The following TMEM248 variants were observed in gnomAD, a reference collection of about 807,000 sequenced individuals.
TMEM248 encodes the protein transmembrane protein 248, also known as UPF0458 protein C7orf42.
In TMEM248, 9 loss-of-function variants were observed where a neutral mutation model predicts 30.3. The observed-to-expected ratio is 0.30, with a 90% CI of 0.18 to 0.52. TMEM248 has a LOEUF of 0.52. Ranked by LOEUF, TMEM248 falls within the 20% of genes least tolerant of loss-of-function variation. The probability of loss-of-function intolerance (pLI) is 0.97; values close to 1 mark genes in which losing one functional copy is unlikely to be tolerated. For missense variants in TMEM248, 338 were observed against 403.3 expected, an observed-to-expected ratio of 0.84 and a Z score of 1.39; for synonymous variants, 184 against 154.4, an observed-to-expected ratio of 1.19 and a Z score of -1.42.
intron 5 of TMEM248, 25 bp from the exon 6 acceptor site, chr7:66,953,201 G>A (rs757263608): frequency 1.2e-6 from 2 of 1,612,192 alleles, no homozygotes; most frequent in Non-Finnish European, 8.5e-7. Context: ...AGATGTTTCT[G>A]ATTTTTTTTC....
At chr7:66,923,556 G>T (rs944344996) in intron 1 of TMEM248, among the ~76,000 whole-genome samples, 12 of 152,230 alleles carry the variant, frequency 7.9e-5, no homozygotes, top group Admixed American at 3.3e-4. Context: ...AAGCACCCAG[G>T]CTAGGTAGCT....
chr7:66,957,437 A>G lies in TMEM248; in HGVS notation c.*1915A>G, dbSNP rs1792431570. On this transcript the variant is annotated 3_prime_UTR_variant, in exon 7 of 7. Transcript: ENST00000341567. ...AATCGTACTTGTCTATCCAGTTTCT[A>G]TGTATGATACGAGTTGCTTACACGA... 1 of 152,332 alleles carries G rather than the reference A, an allele frequency of 6.6e-6. No individual in the cohort carries two copies. Among genetic ancestry groups the G allele is most frequent in the Non-Finnish European group, 1.5e-5 (1 of 68,036 alleles). The allele number at this position is 152,332 out of a possible 1,614,324, so 9.4% of individuals were successfully genotyped here.
intron 1 of TMEM248, among the ~76,000 whole-genome samples, chr7:66,933,965 C>CTT (rs199864315): frequency 6.2e-5 from 9 of 145,620 alleles, no homozygotes; most frequent in African/African-American, 1.8e-4. Context: ...ATCTCTTTTT[C>CTT]TTTTTTTTTT....
chr7:66,927,911 C>T (rs972119970), intron 1 of TMEM248, among the ~76,000 whole-genome samples: 4 of 152,026 alleles, frequency 2.6e-5, no homozygotes, highest in African/African-American at 9.7e-5. Context: ...TGGGAGGAAT[C>T]CTGCTAAAGA....
chr7:66,941,562 AC>A lies in TMEM248; in HGVS notation c.-18-285del, dbSNP rs1449575359. 8.3e-5 allele frequency among the ~76,000 whole-genome samples: 3 copies of A among 36,048 alleles called. No homozygotes were observed. The East Asian group carries it at 3.7e-3, about 44-fold the overall frequency. The allele number at this position is 36,048 out of a possible 152,430, so 23.6% of individuals were successfully genotyped here. On this transcript the variant is annotated intron_variant, in intron 1 of 6. Coordinates refer to ENST00000341567, the MANE Select transcript of TMEM248 (RefSeq NM_017994.5). Reference sequence around the variant, plus strand: ...AGAACGAGAGACCCTGTTTCTTAAAACACACACACACACACACACACACACA... The same window carrying A: ...AGAACGAGAGACCCTGTTTCTTAAAAACACACACACACACACACACACACA...
At chr7:66,949,045 G>A (rs1048162428) in intron 4 of TMEM248, among the ~76,000 whole-genome samples, 6 of 151,554 alleles carry the variant, frequency 4.0e-5, no homozygotes, top group Non-Finnish European at 7.4e-5. Flanking sequence ...TCAGGCCTGC[G>A]ATCCCAGCAC....
chr7:66,941,837 A>G lies in TMEM248; in HGVS notation c.-18-11A>G. 6.3e-7 allele frequency: 1 copy of G among 1,586,746 alleles called. No homozygotes were observed. Among genetic ancestry groups the G allele is most frequent in the Non-Finnish European group, 8.6e-7 (1 of 1,163,220 alleles). ...AGTCAGTCCTTGAAGCTTCTGATTC[A>G]TTTCTTTCAGGTGGAGCTGATCAGA... On this transcript the variant is annotated splice_polypyrimidine_tract_variant and intron_variant, in intron 1 of 6. Transcript: ENST00000341567.
At chr7:66,933,503 T>C (rs1360961400) in intron 1 of TMEM248, among the ~76,000 whole-genome samples, 4 of 152,234 alleles carry the variant, frequency 2.6e-5, no homozygotes, top group Non-Finnish European at 5.9e-5. Flanking sequence ...GGTTTAGTTC[T>C]TAGAAGTAGA....
Position 66,945,021 on chromosome 7 carries a change from G to A in TMEM248, c.205G>A (p.Val69Ile), listed in dbSNP as rs1376150695. 6.2e-7 allele frequency: 1 copy of A among 1,614,086 alleles called. No individual in the cohort carries two copies. Among genetic ancestry groups the A allele is most frequent in the Non-Finnish European group, 8.5e-7 (1 of 1,180,054 alleles). Residue 69 changes from valine to isoleucine, a missense_variant, in exon 3 of 7, where the codon GTA (valine) becomes ATA (isoleucine). Physicochemically the swap from Val to Ile is conservative, Grantham distance 29. Coordinates refer to ENST00000341567, the MANE Select transcript of TMEM248 (RefSeq NM_017994.5). ...ACGGTTCAATGATTTGGACTTGTGT[G>A]TATCAGAGAATGAAACCCTCAAGCA... ...LLRFNDLDLC[V>I]SENETLKHLT...
intron 1 of TMEM248, among the ~76,000 whole-genome samples, chr7:66,923,372 C>T (rs1033796076): frequency 3.9e-5 from 6 of 151,984 alleles, no homozygotes; most frequent in African/African-American, 9.7e-5. Context: ...GAACTCCTGA[C>T]CTCAGGTGAT....
Position 66,950,962 on chromosome 7 carries a change from C to T in TMEM248, c.607C>T (p.His203Tyr). 1 of 1,588,798 alleles carries T rather than the reference C, an allele frequency of 6.3e-7. No individual in the cohort carries two copies. The highest frequency in any genetic ancestry group is 8.6e-7 in the Non-Finnish European group (1 of 1,167,630). ...CCTCTTCTCCTGCAGACAGCCACCGCACTGTGTTCCTGACACGTACAGCAA... is the reference window on the plus strand; with the variant it reads ...CCTCTTCTCCTGCAGACAGCCACCGTACTGTGTTCCTGACACGTACAGCAA... ...GVFPVTVQPP[H>Y]CVPDTYSNAT... is the part of the protein sequence containing the mutation. The change falls in exon 5 of 7, where the codon CAC becomes TAC. Residue 203 changes from histidine to tyrosine, a missense_variant. His to Tyr is a moderately conservative substitution (Grantham distance 83). Transcript: ENST00000341567.
chr7:66,953,119 T>G, intron 5 of TMEM248, 107 bp from the exon 6 acceptor site: 1 of 1,270,480 alleles, frequency 7.9e-7, no homozygotes, highest in African/African-American at 1.5e-5. Flanking sequence ...AGAAGAAAAG[T>G]TGTGGCAAGT....
chr7:66,921,238 G>C lies in TMEM248; in HGVS notation c.-242G>C, dbSNP rs1014934983. 6.7e-6 allele frequency: 1 copy of C among 150,182 alleles called. No homozygotes were observed. The highest frequency in any genetic ancestry group is 6.6e-5 in the Admixed American group (1 of 15,132). 9.3% of individuals were successfully genotyped at this position (150,182 alleles called of 1,614,324 possible). ...TTTTTTTTTTTCACCCGGAAACCGC[G>C]GTTGCCGGAGCCCGAACTGAGGCGG... On this transcript the variant is annotated 5_prime_UTR_variant, in exon 1 of 7. Coordinates refer to ENST00000341567, the MANE Select transcript of TMEM248 (RefSeq NM_017994.5).
chr7:66,947,351 C>T (rs1459480658), intron 3 of TMEM248, among the ~76,000 whole-genome samples: 2 of 152,010 alleles, frequency 1.3e-5, no homozygotes, highest in African/African-American at 2.4e-5. Flanking sequence ...CTGGGTTTTC[C>T]ATGTAGCAAG....
In TMEM248 at chr7:66,955,834, G is replaced by C. The variant is rs928591007; in HGVS notation, c.*312G>C. 1 of 353,442 alleles carries C rather than the reference G, an allele frequency of 2.8e-6. No homozygotes were observed. Among genetic ancestry groups the C allele is most frequent in the Admixed American group, 4.6e-5 (1 of 21,724 alleles). 21.9% of individuals were successfully genotyped at this position (353,442 alleles called of 1,614,324 possible). On this transcript the variant is annotated 3_prime_UTR_variant, in exon 7 of 7. Transcript: ENST00000341567. ...AGGATTCCTGGATCTAGCTGGTCACGACGATGTTTTCACCAAGGTCACAGG... is the reference window on the plus strand; with the variant it reads ...AGGATTCCTGGATCTAGCTGGTCACCACGATGTTTTCACCAAGGTCACAGG...
intron 1 of TMEM248, among the ~76,000 whole-genome samples, chr7:66,925,778 A>C (rs1214869576): frequency 1.3e-5 from 2 of 150,038 alleles, no homozygotes; most frequent in Non-Finnish European, 3.0e-5. Flanking sequence ...AGTAGCTGAG[A>C]TTACAGGTGC....
chr7:66,946,561 CAG>C (rs899481417), intron 3 of TMEM248, among the ~76,000 whole-genome samples: 6 of 151,084 alleles, frequency 4.0e-5, no homozygotes, highest in African/African-American at 1.5e-4. Context: ...GTCTAGGCAA[CAG>C]AGTGAGACTT....
rs1368879947 is a variant in TMEM248 at position 66,956,778 on chromosome 7, A to T, written c.*1256A>T. On this transcript the variant is annotated 3_prime_UTR_variant, in exon 7 of 7. Transcript: ENST00000341567. ...AGCCTCCAACTCCTGGGCTCAAGCA[A>T]TCCTCCCACTTTAGCCTCCTGAGTA... 6.6e-6 allele frequency: 1 copy of T among 152,096 alleles called. No homozygotes were observed. The highest frequency in any genetic ancestry group is 1.5e-5 in the Non-Finnish European group (1 of 68,058). 9.4% of individuals were successfully genotyped at this position (152,096 alleles called of 1,614,324 possible).
At chr7:66,922,501 T>G (rs1303017169) in intron 1 of TMEM248, among the ~76,000 whole-genome samples, 1 of 152,136 alleles carries the variant, frequency 6.6e-6, no homozygotes, top group Non-Finnish European at 1.5e-5. Flanking sequence ...GCATTGACCC[T>G]AAGTGCATTT....
Sources: allele counts gnomAD v4.1 joint callset (sites outside exome capture counted in the v4.1 genomes callset), GRCh38; gene constraint gnomAD v4.1.1; transcripts MANE v1.5; gene names NCBI Gene and HGNC (gene_info 2026-07-23, HGNC 2026-07-21).